RABGEF1: variants seen among roughly 807,000 people sequenced by gnomAD.
RABGEF1 encodes the protein RAB guanine nucleotide exchange factor 1, also known as rab5 GDP/GTP exchange factor.
RABGEF1 carries 26 observed loss-of-function variants against 57.3 expected under a neutral mutation model. The ratio of observed to expected loss-of-function variants is 0.45; its 90% CI spans 0.33 to 0.63. The LOEUF (loss-of-function observed/expected upper bound fraction) is 0.63. Among genes scored for constraint, RABGEF1 ranks in the 20% least tolerant of loss-of-function variants. RABGEF1 has a pLI of 0.02. For missense variants in RABGEF1, 464 were observed against 607.6 expected (o/e 0.76, Z 2.48); for synonymous variants, 185 against 210.7 (o/e 0.88, Z 1.06).
intron 2 of RABGEF1, among the ~76,000 whole-genome samples, chr7:66,725,514 A>G (rs1796492429): frequency 6.6e-6 from 1 of 152,182 alleles, no homozygotes; most frequent in Non-Finnish European, 1.5e-5. Context: ...GGCATGTATC[A>G]GTTCTTGTTT....
chr7:66,654,846 C>T, the RABGEF1 span, among the ~76,000 whole-genome samples: 1 of 152,266 alleles, frequency 6.6e-6, no homozygotes, highest in African/African-American at 2.4e-5. Flanking sequence ...CCTTAATCCT[C>T]ACAGTGCGCG....
intron 1 of RABGEF1, among the ~76,000 whole-genome samples, chr7:66,753,729 CAG>C (rs1802017534): frequency 1.3e-5 from 1 of 78,214 alleles, no homozygotes; most frequent in Non-Finnish European, 2.4e-5. Context: ...TTTTTTGAGA[CAG>C]AGTCTCACAC....
At chr7:66,799,507 A>T in intron 7 of RABGEF1, 93 bp downstream of exon 7, 2 of 1,054,234 alleles carry the variant, frequency 1.9e-6, no homozygotes, top group Non-Finnish European at 2.8e-6. Flanking sequence ...TAAAATGCAG[A>T]TTGTCGAAGG....
At chr7:66,657,362 A>G in the RABGEF1 span, among the ~76,000 whole-genome samples, 1 of 152,228 alleles carries the variant, frequency 6.6e-6, no homozygotes, top group Non-Finnish European at 1.5e-5. Context: ...ACTCACAAAT[A>G]TATGGAAAAT....
At chr7:66,767,000 C>CTTTTTTTTTTTTTTTTTTTTATTTTT in intron 1 of RABGEF1, among the ~76,000 whole-genome samples, 1 of 102,600 alleles carries the variant, frequency 9.7e-6, no homozygotes, top group Non-Finnish European at 1.9e-5. Context: ...TGTCAAGTTT[C>CTTTTTTTTTTTTTTTTTTTTATTTTT]TTTTTTTTTT....
chr7:66,682,102 G>C (rs1159997150), upstream of RABGEF1: 1 of 167,812 alleles, frequency 6.0e-6, no homozygotes, highest in Non-Finnish European at 1.5e-5. Context: ...GGCGTGCGCT[G>C]GCGGTGCCGG....
chr7:66,797,644 G>C (rs1786306587), intron 6 of RABGEF1, 138 bp downstream of exon 6: 1 of 959,318 alleles, frequency 1.0e-6, no homozygotes, highest in South Asian at 1.7e-5. Context: ...AGTGGAAGCA[G>C]CTCTGTTGTG....
chr7:66,794,003 G>T (rs1404654117), intron 4 of RABGEF1, among the ~76,000 whole-genome samples: 3 of 152,056 alleles, frequency 2.0e-5, no homozygotes, highest in South Asian at 4.1e-4. Context: ...TTTGATTTTG[G>T]TGTCAGAATT....
chr7:66,667,090 G>C, the RABGEF1 span, among the ~76,000 whole-genome samples: 1 of 152,190 alleles, frequency 6.6e-6, no homozygotes, highest in Non-Finnish European at 1.5e-5. Context: ...TCTGGTGGAG[G>C]GGATTTGAAA....
chr7:66,715,652 A>G, intron 2 of RABGEF1, among the ~76,000 whole-genome samples: 1 of 152,204 alleles, frequency 6.6e-6, no homozygotes, highest in East Asian at 1.9e-4. Context: ...GTTAAATTGT[A>G]TGATCAGAAA....
At chr7:66,715,838 C>G (rs1392205321) in intron 2 of RABGEF1, among the ~76,000 whole-genome samples, 1 of 152,100 alleles carries the variant, frequency 6.6e-6, no homozygotes, top group African/African-American at 2.4e-5. Context: ...ACTACAGTCT[C>G]CAACTCCTGG....
chr7:66,733,230 C>T (rs1266523677), intron 2 of RABGEF1, among the ~76,000 whole-genome samples: 6 of 152,162 alleles, frequency 3.9e-5, no homozygotes, highest in African/African-American at 1.4e-4. Context: ...CCAAAACATC[C>T]CCATCTCCAT....
chr7:66,724,517 G>A (rs1217914617), intron 2 of RABGEF1, among the ~76,000 whole-genome samples: 5 of 151,950 alleles, frequency 3.3e-5, no homozygotes, highest in East Asian at 1.9e-4. Context: ...ATGCCACTGC[G>A]CCCAGCTAAT....
chr7:66,684,893 C>T (rs1790365480), intron 1 of RABGEF1, among the ~76,000 whole-genome samples: 1 of 152,162 alleles, frequency 6.6e-6, no homozygotes. Context: ...CTTCGGCCTT[C>T]CAAAGTGTTG....
intron 2 of RABGEF1, among the ~76,000 whole-genome samples, chr7:66,717,177 T>G (rs781035196): frequency 6.6e-6 from 1 of 152,222 alleles, no homozygotes; most frequent in Non-Finnish European, 1.5e-5. Context: ...ATTGATTATT[T>G]TATTATATCT....
intron 1 of RABGEF1, among the ~76,000 whole-genome samples, chr7:66,687,741 A>G (rs531992788): frequency 1.6e-4 from 24 of 152,320 alleles, no homozygotes; most frequent in Non-Finnish European, 2.8e-4. Flanking sequence ...AGATACAAAG[A>G]CACAATGAGA....
At chr7:66,744,773 T>C (rs1562771473) in intron 1 of RABGEF1, among the ~76,000 whole-genome samples, 1 of 152,174 alleles carries the variant, frequency 6.6e-6, no homozygotes, top group Non-Finnish European at 1.5e-5. Flanking sequence ...ACAGGAATTC[T>C]GCATTCATTT....
intron 1 of RABGEF1, among the ~76,000 whole-genome samples, chr7:66,693,455 C>T (rs2117154232): frequency 6.6e-6 from 1 of 152,260 alleles, no homozygotes; most frequent in African/African-American, 2.4e-5. Context: ...GGTCTCATGC[C>T]CCTCCCTGGG....
At chr7:66,796,936 T>C (rs978782791) in intron 5 of RABGEF1, 4 of 442,000 alleles carry the variant, frequency 9.0e-6, no homozygotes, top group African/African-American at 2.1e-5. Flanking sequence ...AACATTCTTA[T>C]ACTTTTGTTC....
Sources: gnomAD v4.1 joint callset for allele counts (sites outside exome capture counted in the v4.1 genomes callset) on GRCh38, gnomAD v4.1.1 for gene constraint, MANE v1.5 for transcripts, NCBI Gene and HGNC (gene_info 2026-07-23, HGNC 2026-07-21) for gene names.